The following BNC2 variants were observed in gnomAD, a reference collection of about 807,000 sequenced individuals.
BNC2 encodes zinc finger protein basonuclin-2.
Under a neutral mutation model 76.3 loss-of-function variants are expected in BNC2, and 20 were observed. That is an observed-to-expected ratio of 0.26 (90% CI 0.18 to 0.38). The LOEUF is 0.38. Among genes scored for constraint, BNC2 ranks in the 10% least tolerant of loss-of-function variants. The pLI, the probability that BNC2 is intolerant of heterozygous loss-of-function variation, is 1.00. For missense variants in BNC2, 1,382 were observed against 1,399.8 expected, an observed-to-expected ratio of 0.99 and a Z score of 0.20; for synonymous variants, 582 against 514.8, an observed-to-expected ratio of 1.13 and a Z score of -1.77.
chr9:16,717,719 CCTT>C (rs1440666083), intron 3 of BNC2, among the ~76,000 whole-genome samples: 3 of 152,138 alleles, frequency 2.0e-5, no homozygotes, highest in East Asian at 1.9e-4. Context: ...TCACTTAACT[CCTT>C]CTATTAATCA....
At chr9:16,660,093 C>A (rs968614166) in intron 3 of BNC2, among the ~76,000 whole-genome samples, 3 of 152,326 alleles carry the variant, frequency 2.0e-5, no homozygotes, top group Non-Finnish European at 4.4e-5. Context: ...TAGTTGTTCT[C>A]CAATTGTACT....
chr9:16,765,839 T>C (rs904531939), intron 1 of BNC2, among the ~76,000 whole-genome samples: 1 of 150,516 alleles, frequency 6.6e-6, no homozygotes, highest in Non-Finnish European at 1.5e-5. Flanking sequence ...CAGGCTGGAG[T>C]GCAGTGGCAC....
At chr9:16,585,999 G>C (rs1819758753) in intron 3 of BNC2, among the ~76,000 whole-genome samples, 1 of 152,122 alleles carries the variant, frequency 6.6e-6, no homozygotes, top group African/African-American at 2.4e-5. Flanking sequence ...TTAGTATTCA[G>C]GTCTGGGTAA....
At chr9:16,609,242 C>T (rs1457271615) in intron 3 of BNC2, among the ~76,000 whole-genome samples, 1 of 152,132 alleles carries the variant, frequency 6.6e-6, no homozygotes, top group Non-Finnish European at 1.5e-5. Context: ...TGAATGCCTA[C>T]TCTGTGCTGG....
In BNC2 at chr9:16,616,129, A is replaced by G. The variant is rs112756066; in HGVS notation, c.331-33044T>C. 9.6e-4 allele frequency among the ~76,000 whole-genome samples: 146 copies of G among 152,120 alleles called. 1 individual carries two copies. Among genetic ancestry groups the G allele is most frequent in the African/African-American group, 3.4e-3 (141 of 41,518 alleles). On this transcript the variant is annotated intron_variant, in intron 3 of 6. Transcript: ENST00000380672. ...GGGCCAGGCATGGTAGCTCACACCT[A>G]TAATCTCAGCACTTTGGGAGGCTGG...
chr9:16,746,657 G>T (rs991594376), intron 1 of BNC2, among the ~76,000 whole-genome samples: 1 of 151,014 alleles, frequency 6.6e-6, no homozygotes, highest in Non-Finnish European at 1.5e-5. Context: ...GAACAACCGC[G>T]CCTGGCCTAA....
At chr9:16,423,923 G>C (rs915584864) in intron 6 of BNC2, among the ~76,000 whole-genome samples, 1 of 152,106 alleles carries the variant, frequency 6.6e-6, no homozygotes. Flanking sequence ...ACAAAACCTT[G>C]GACTGAGGGG....
intron 5 of BNC2, among the ~76,000 whole-genome samples, chr9:16,539,750 G>GGAGGGA (rs1818254445): frequency 1.2e-5 from 1 of 84,820 alleles, no homozygotes; most frequent in African/African-American, 5.4e-5. Context: ...GAAGGGAAGG[G>GGAGGGA]AAGGAAAGGA....
At chr9:16,458,377 T>A (rs1450407612) in intron 5 of BNC2, among the ~76,000 whole-genome samples, 1 of 152,234 alleles carries the variant, frequency 6.6e-6, no homozygotes, top group Non-Finnish European at 1.5e-5. Flanking sequence ...CATTTACTTC[T>A]AAAATTTACT....
chr9:16,861,266 A>G (rs914460187), intron 1 of BNC2, among the ~76,000 whole-genome samples: 8 of 150,458 alleles, frequency 5.3e-5, no homozygotes, highest in Non-Finnish European at 7.4e-5. Flanking sequence ...AAGCAGGAGG[A>G]TTTCTTGAGC....
chr9:16,481,591 G>A (rs1822058427), intron 5 of BNC2, among the ~76,000 whole-genome samples: 1 of 152,200 alleles, frequency 6.6e-6, no homozygotes, highest in African/African-American at 2.4e-5. Context: ...AAGTCAGTGA[G>A]ACCAAGGACC....
chr9:16,763,413 T>A (rs951237588), intron 1 of BNC2, among the ~76,000 whole-genome samples: 10 of 150,518 alleles, frequency 6.6e-5, no homozygotes, highest in African/African-American at 2.5e-4. Context: ...CTACAAAAAA[T>A]CAAAAACTTA....
chr9:16,603,323 T>C (rs1164832631), intron 3 of BNC2, among the ~76,000 whole-genome samples: 2 of 152,224 alleles, frequency 1.3e-5, no homozygotes, highest in African/African-American at 2.4e-5. Flanking sequence ...GCTAATGTTA[T>C]ACAAGAAAAC....
chr9:16,697,083 G>A (rs533660354), intron 3 of BNC2, among the ~76,000 whole-genome samples: 4 of 152,258 alleles, frequency 2.6e-5, no homozygotes, highest in East Asian at 3.9e-4. Context: ...AGAGTGTGCC[G>A]TGCACGGTGG....
chr9:16,461,342 C>T (rs1821575764), intron 5 of BNC2, among the ~76,000 whole-genome samples: 1 of 152,170 alleles, frequency 6.6e-6, no homozygotes, highest in South Asian at 2.1e-4. Context: ...TGGCAGGAAT[C>T]TGTTTCTGCT....
At chr9:16,766,187 C>T (rs1586866432) in intron 1 of BNC2, among the ~76,000 whole-genome samples, 2 of 152,096 alleles carry the variant, frequency 1.3e-5, no homozygotes, top group South Asian at 2.1e-4. Context: ...ACTTTTAGTG[C>T]TTTCTGTCTC....
At chr9:16,425,759 C>T (rs548063784) in intron 6 of BNC2, among the ~76,000 whole-genome samples, 4 of 152,272 alleles carry the variant, frequency 2.6e-5, no homozygotes, top group East Asian at 1.9e-4. Context: ...ACATGTCTTT[C>T]GCATACTAAA....
At chr9:16,677,078 A>G (rs925736748) in intron 3 of BNC2, among the ~76,000 whole-genome samples, 1 of 152,202 alleles carries the variant, frequency 6.6e-6, no homozygotes, top group African/African-American at 2.4e-5. Context: ...AAAATTTCAG[A>G]AAAAAATTCT....
chr9:16,827,601 A>C (rs889316198), intron 1 of BNC2, among the ~76,000 whole-genome samples: 1 of 152,212 alleles, frequency 6.6e-6, no homozygotes, highest in African/African-American at 2.4e-5. Context: ...ATGGTGACTT[A>C]AGTGCATTGG....
Sources: gnomAD v4.1 joint callset for allele counts (sites outside exome capture counted in the v4.1 genomes callset) on GRCh38, gnomAD v4.1.1 for gene constraint, MANE v1.5 for transcripts, NCBI Gene and HGNC (gene_info 2026-07-23, HGNC 2026-07-21) for gene names.